The following FBXL13 variants were observed in gnomAD, a reference collection of about 807,000 sequenced individuals.
The protein encoded by FBXL13 is F-box and leucine-rich repeat protein 13.
In FBXL13, 67 loss-of-function variants were observed where a neutral mutation model predicts 83.6. The observed-to-expected ratio is 0.80, with a 90% CI of 0.66 to 0.98. The LOEUF is 0.98. FBXL13 is among the 50% of genes least tolerant of loss of function. The pLI, the probability that FBXL13 is intolerant of heterozygous loss-of-function variation, is 0.00. For synonymous variants in FBXL13, 272 were observed against 299.5 expected (o/e 0.91, Z 0.95); for missense variants, 822 against 866.5 (o/e 0.95, Z 0.64).
intron 9 of FBXL13, among the ~76,000 whole-genome samples, chr7:102,928,613 A>G (rs1032193374): frequency 6.6e-6 from 1 of 152,214 alleles, no homozygotes; most frequent in African/African-American, 2.4e-5. Context: ...TAGAGGGCCA[A>G]ACTCAAAGAA....
At chr7:102,999,350 A>G (rs1790155465) in intron 6 of FBXL13, among the ~76,000 whole-genome samples, 1 of 152,140 alleles carries the variant, frequency 6.6e-6, no homozygotes, top group South Asian at 2.1e-4. Context: ...TTTTGCATCT[A>G]TATTAATCAG....
intron 6 of FBXL13, among the ~76,000 whole-genome samples, chr7:102,969,547 G>A (rs537217226): frequency 1.4e-4 from 22 of 152,158 alleles, no homozygotes; most frequent in Middle Eastern, 6.8e-3. Flanking sequence ...AAGAAATCAC[G>A]CCTGTAATCC....
chr7:102,928,580 A>G (rs776269528), intron 9 of FBXL13, among the ~76,000 whole-genome samples: 1 of 152,226 alleles, frequency 6.6e-6, no homozygotes, highest in African/African-American at 2.4e-5. Context: ...CACAAATTCA[A>G]TGCATTGTTT....
At chr7:102,919,619 A>C (rs573870076) in intron 10 of FBXL13, among the ~76,000 whole-genome samples, 1 of 152,346 alleles carries the variant, frequency 6.6e-6, no homozygotes, top group East Asian at 1.9e-4. Context: ...ACAAAAAATC[A>C]TGCTAGCTTC....
chr7:102,956,670 A>G (rs1824321734), intron 8 of FBXL13, among the ~76,000 whole-genome samples: 2 of 152,240 alleles, frequency 1.3e-5, no homozygotes, highest in Non-Finnish European at 2.9e-5. Context: ...TAAGGTGATA[A>G]GCAACTTCAG....
At chr7:102,894,687 C>T (rs1323561137) in intron 11 of FBXL13, among the ~76,000 whole-genome samples, 1 of 150,574 alleles carries the variant, frequency 6.6e-6, no homozygotes, top group African/African-American at 2.5e-5. Flanking sequence ...TATGATCACA[C>T]CACTGTACTA....
chr7:102,917,921 T>G (rs564035024), intron 10 of FBXL13, among the ~76,000 whole-genome samples: 1 of 152,280 alleles, frequency 6.6e-6, no homozygotes, highest in Admixed American at 6.5e-5. Flanking sequence ...GGCATGAGCT[T>G]TAGGCAGCCC....
chr7:102,905,137 T>C (rs1269908097), intron 11 of FBXL13, among the ~76,000 whole-genome samples: 1 of 152,178 alleles, frequency 6.6e-6, no homozygotes, highest in Non-Finnish European at 1.5e-5. Context: ...ATTTTGTCTA[T>C]AGTGCAGATT....
intron 6 of FBXL13, 105 bp from the exon 8 acceptor site, chr7:102,968,222 C>A: frequency 1.5e-6 from 1 of 666,290 alleles, no homozygotes; most frequent in Non-Finnish European, 2.6e-6. Flanking sequence ...TGCACACACA[C>A]ACGCATTAGT....
intron 8 of FBXL13, among the ~76,000 whole-genome samples, chr7:102,956,533 G>A (rs1302522909): frequency 2.0e-5 from 3 of 152,106 alleles, no homozygotes; most frequent in Non-Finnish European, 2.9e-5. Flanking sequence ...GTTCTGGCCA[G>A]GGCAATCAGG....
At chr7:103,009,384 G>A (rs1791342817) in intron 6 of FBXL13, among the ~76,000 whole-genome samples, 1 of 152,182 alleles carries the variant, frequency 6.6e-6, no homozygotes, top group African/African-American at 2.4e-5. Context: ...CTGGGGACCA[G>A]CCTGTCTGGG....
At chr7:102,927,175 G>A (rs1818301747) in intron 9 of FBXL13, among the ~76,000 whole-genome samples, 1 of 152,200 alleles carries the variant, frequency 6.6e-6, no homozygotes, top group Non-Finnish European at 1.5e-5. Flanking sequence ...GCTGCTTTTT[G>A]TATAGGTAAC....
At chr7:103,009,716 GGGCTAGGCAC>G (rs1791388427) in intron 6 of FBXL13, among the ~76,000 whole-genome samples, 13 of 152,348 alleles carry the variant, frequency 8.5e-5, no homozygotes, top group South Asian at 6.2e-4. Context: ...TTGCTGGACA[GGGCTAGGCAC>G]CAGTTTCCAG....
In FBXL13 at chr7:102,969,887, A is replaced by AAAAAG. The variant is rs542764945; in HGVS notation, c.496-1775_496-1771dup. 1.6e-4 allele frequency among the ~76,000 whole-genome samples: 24 copies of AAAAAG among 151,844 alleles called. No individual in the cohort carries two copies. The East Asian group carries it at 2.7e-3, about 17-fold the overall frequency. ...AAAGAAAAGAAAAGGAAAGAAAAGA[A>AAAAAG]AAAAGAAAAGAAAAGAAAAGAAATC... On this transcript the variant is annotated intron_variant, in intron 6 of 19. Transcript: ENST00000313221.
chr7:102,890,515 C>T (rs1391113471), intron 11 of FBXL13, among the ~76,000 whole-genome samples: 2 of 152,204 alleles, frequency 1.3e-5, no homozygotes, highest in Non-Finnish European at 2.9e-5. Context: ...TTGGTGATCA[C>T]AGGAAAATTC....
chr7:102,910,021 C>A (rs192483735), intron 11 of FBXL13, among the ~76,000 whole-genome samples: 1 of 152,152 alleles, frequency 6.6e-6, no homozygotes, highest in Non-Finnish European at 1.5e-5. Flanking sequence ...GGAGGCACAG[C>A]GCACTGTAGC....
chr7:102,826,747 A>ATATATATATATG (rs1799744095), intron 18 of FBXL13, among the ~76,000 whole-genome samples: 2 of 87,786 alleles, frequency 2.3e-5, no homozygotes, highest in Admixed American at 1.3e-4. Flanking sequence ...ATATATATAT[A>ATATATATATATG]TATATATATA....
Position 103,071,571 on chromosome 7 carries a change from T to A in FBXL13, c.-105+2675A>T, listed in dbSNP as rs796826860. ...GTTAGCTTTTTTTTTTTTTTTTTTT[T>A]AATTTTTGTACACACAGGGTCTCAC... On this transcript the variant is annotated intron_variant, in intron 1 of 19. Coordinates refer to ENST00000313221, the Ensembl canonical transcript of FBXL13. Among the ~76,000 whole-genome samples the A allele has an allele frequency of 5.1e-3, 757 of 148,162 alleles. 6 individuals carry two copies. Among genetic ancestry groups the A allele is most frequent in the African/African-American group, 0.018 (713 of 39,874 alleles).
chr7:102,963,540 T>A (rs1825613897), exon 8 of FBXL13: 6 of 1,611,282 alleles, frequency 3.7e-6, no homozygotes, highest in Non-Finnish European at 8.5e-7. Flanking sequence ...TACTGACAGA[T>A]CTGAAAGTTT....
Sources: allele counts gnomAD v4.1 joint callset (sites outside exome capture counted in the v4.1 genomes callset), GRCh38; gene constraint gnomAD v4.1.1; transcripts MANE v1.5; gene names NCBI Gene and HGNC (gene_info 2026-07-23, HGNC 2026-07-21).